The following ARSB variants were observed in gnomAD, a reference collection of about 807,000 sequenced individuals.
The protein encoded by ARSB is arylsulfatase B.
Under a neutral mutation model 50.9 loss-of-function variants are expected in ARSB, and 41 were observed. The observed-to-expected ratio is 0.81, with a 90% confidence interval of 0.63 to 1.04. ARSB has a LOEUF of 1.04. ARSB is among the 50% of genes least tolerant of loss of function. The probability of loss-of-function intolerance (pLI) is 0.00; values close to 1 mark genes in which losing one functional copy is unlikely to be tolerated. For missense variants in ARSB, 672 were observed against 693.3 expected, an observed-to-expected ratio of 0.97 and a Z score of 0.35; for synonymous variants, 269 against 284.8, an observed-to-expected ratio of 0.94 and a Z score of 0.56.
intron 4 of ARSB, among the ~76,000 whole-genome samples, chr5:78,895,283 A>G (rs1748516565): frequency 6.6e-6 from 1 of 152,240 alleles, no homozygotes; most frequent in Admixed American, 6.5e-5. Flanking sequence ...TATAAATTGT[A>G]AAAGTAGACC....
At chr5:78,815,540 A>C (rs1430769148) in intron 6 of ARSB, 8 of 986,660 alleles carry the variant, frequency 8.1e-6, no homozygotes, top group Non-Finnish European at 9.6e-6. Context: ...GCCTGTCAAA[A>C]AAGGTGGAGG....
chr5:78,969,762 G>A (rs923664140), intron 1 of ARSB, among the ~76,000 whole-genome samples: 1 of 151,938 alleles, frequency 6.6e-6, no homozygotes. Flanking sequence ...GATTACAGGC[G>A]CCCACCACCA....
intron 3 of ARSB, among the ~76,000 whole-genome samples, chr5:78,959,497 C>G (rs750881466): frequency 6.6e-6 from 1 of 151,978 alleles, no homozygotes; most frequent in Non-Finnish European, 1.5e-5. Context: ...CTGTGCTTCC[C>G]AAGAGGCCAT....
At chr5:78,811,743 T>C (rs1213778717) in intron 6 of ARSB, among the ~76,000 whole-genome samples, 1 of 152,254 alleles carries the variant, frequency 6.6e-6, no homozygotes, top group Admixed American at 6.5e-5. Context: ...AAGTCTCTTA[T>C]GGGTGTATCA....
intron 6 of ARSB, among the ~76,000 whole-genome samples, chr5:78,819,132 C>T (rs1389278679): frequency 3.3e-5 from 5 of 152,158 alleles, no homozygotes; most frequent in African/African-American, 2.4e-5. Context: ...AAGGGCCAGG[C>T]GGCAGTTGCC....
intron 6 of ARSB, among the ~76,000 whole-genome samples, chr5:78,801,094 C>G (rs1743377743): frequency 6.6e-6 from 1 of 152,118 alleles, no homozygotes; most frequent in Non-Finnish European, 1.5e-5. Context: ...GAACTTTATT[C>G]AGTAGGTACT....
intron 4 of ARSB, among the ~76,000 whole-genome samples, chr5:78,941,786 G>T (rs1012181919): frequency 1.0e-3 from 156 of 152,308 alleles, no homozygotes; most frequent in Non-Finnish European, 1.9e-3. Context: ...TCAGGATGAT[G>T]CTGGACTCAT....
intron 6 of ARSB, among the ~76,000 whole-genome samples, chr5:78,816,624 C>A (rs1480575311): frequency 1.3e-5 from 2 of 152,178 alleles, no homozygotes; most frequent in Non-Finnish European, 2.9e-5. Context: ...ATCACATGAG[C>A]CTTTTAAAAG....
At chr5:78,860,763 G>A (rs1746394862) in intron 5 of ARSB, among the ~76,000 whole-genome samples, 1 of 152,188 alleles carries the variant, frequency 6.6e-6, no homozygotes, top group Non-Finnish European at 1.5e-5. Context: ...ACTAACAGCA[G>A]AGCAGAACTG....
At chr5:78,822,451 A>T (rs1744267736) in intron 6 of ARSB, among the ~76,000 whole-genome samples, 1 of 151,980 alleles carries the variant, frequency 6.6e-6, no homozygotes, top group Non-Finnish European at 1.5e-5. Flanking sequence ...GGCCCAGGAG[A>T]CCTTCAGCCT....
chr5:78,898,294 C>T (rs1254907043), intron 4 of ARSB, among the ~76,000 whole-genome samples: 6 of 152,030 alleles, frequency 3.9e-5, no homozygotes, highest in African/African-American at 1.4e-4. Flanking sequence ...ACCTTCTCAC[C>T]AAGAAAATTT....
At chr5:78,964,848 CACTA>C (rs1413329142) in intron 2 of ARSB, among the ~76,000 whole-genome samples, 2 of 140,556 alleles carry the variant, frequency 1.4e-5, no homozygotes, top group Non-Finnish European at 3.0e-5. Context: ...TATCATGTAA[CACTA>C]ACAGTTTTTT....
chr5:78,980,372 C>T (rs1005374402), intron 1 of ARSB, among the ~76,000 whole-genome samples: 1 of 152,208 alleles, frequency 6.6e-6, no homozygotes, highest in Non-Finnish European at 1.5e-5. Flanking sequence ...CCTTCATATA[C>T]GTTCCAATAT....
At chr5:78,873,879 G>C (rs1235504725) in intron 5 of ARSB, among the ~76,000 whole-genome samples, 1 of 152,140 alleles carries the variant, frequency 6.6e-6, no homozygotes, top group East Asian at 1.9e-4. Flanking sequence ...TGAGAAAACT[G>C]ACACAGTAGG....
At chr5:78,905,948 A>G (rs1244047629) in intron 4 of ARSB, among the ~76,000 whole-genome samples, 1 of 150,456 alleles carries the variant, frequency 6.6e-6, no homozygotes, top group Non-Finnish European at 1.5e-5. Context: ...GAGGAAAATA[A>G]CAGAGATTAT....
chr5:78,786,000 C>T (rs1053952967), intron 6 of ARSB, among the ~76,000 whole-genome samples: 9 of 152,110 alleles, frequency 5.9e-5, no homozygotes. Context: ...TCATATAGTT[C>T]ACATATGATC....
intron 1 of ARSB, among the ~76,000 whole-genome samples, chr5:78,975,906 T>C (rs1420669150): frequency 6.6e-6 from 1 of 152,178 alleles, no homozygotes; most frequent in Non-Finnish European, 1.5e-5. Flanking sequence ...GTATTAGGAA[T>C]AACAAAGGTA....
At chr5:78,952,236 A>C (rs1466466062) in intron 4 of ARSB, among the ~76,000 whole-genome samples, 3 of 152,220 alleles carry the variant, frequency 2.0e-5, no homozygotes, top group Admixed American at 6.5e-5. Flanking sequence ...ACACATTTGC[A>C]ATCATATAAT....
At chr5:78,892,248 CTTTTTTTT>C (rs34960858) in intron 4 of ARSB, among the ~76,000 whole-genome samples, 1 of 87,226 alleles carries the variant, frequency 1.1e-5, no homozygotes, top group African/African-American at 5.2e-5. Flanking sequence ...ATTCTCTATT[CTTTTTTTT>C]TTTTTTTTTT....
Sources: gnomAD v4.1 joint callset for allele counts (sites outside exome capture counted in the v4.1 genomes callset) on GRCh38, gnomAD v4.1.1 for gene constraint, MANE v1.5 for transcripts, NCBI Gene and HGNC (gene_info 2026-07-23, HGNC 2026-07-21) for gene names.